Variants in APP observed in about 807,000 individuals in gnomAD.
The protein encoded by APP is amyloid-beta precursor protein.
Under a neutral mutation model 101.4 loss-of-function variants are expected in APP, and 31 were observed. That is an observed-to-expected ratio of 0.31 (90% CI 0.23 to 0.41). The LOEUF (loss-of-function observed/expected upper bound fraction) is 0.41. Ranked by LOEUF, APP falls within the 10% of genes least tolerant of loss-of-function variation. The pLI is 1.00. For synonymous variants in APP, 366 were observed against 364.4 expected (o/e 1.00, Z -0.05); for missense variants, 839 against 1,003.7 (o/e 0.84, Z 2.22).
chr21:26,021,288 T>C (rs2044326362), intron 6 of APP, among the ~76,000 whole-genome samples: 1 of 152,146 alleles, frequency 6.6e-6, no homozygotes, highest in South Asian at 2.1e-4. Flanking sequence ...CCTCAGGTGA[T>C]CCGCCTGCCT....
intron 6 of APP, among the ~76,000 whole-genome samples, chr21:26,006,876 T>C (rs1283519220): frequency 6.6e-6 from 1 of 152,150 alleles, no homozygotes; most frequent in Admixed American, 6.5e-5. Context: ...GGTTTTAGAA[T>C]AAAGCAAAGC....
chr21:26,060,178 G>A (rs775304392), intron 3 of APP, among the ~76,000 whole-genome samples: 22 of 151,996 alleles, frequency 1.4e-4, no homozygotes, highest in African/African-American at 4.1e-4. Flanking sequence ...CACCTATTTC[G>A]CACCTACTGA....
intron 6 of APP, among the ~76,000 whole-genome samples, chr21:26,005,367 T>C (rs1325694966): frequency 1.3e-5 from 2 of 152,224 alleles, no homozygotes; most frequent in East Asian, 3.9e-4. Context: ...TGAGCCAAAA[T>C]AGTGCCACTG....
chr21:25,894,811 A>G (rs924198429), intron 16 of APP, among the ~76,000 whole-genome samples: 5 of 152,212 alleles, frequency 3.3e-5, no homozygotes, highest in African/African-American at 9.6e-5. Flanking sequence ...ACTGACTCCA[A>G]TTTTGAAAGC....
intron 8 of APP, among the ~76,000 whole-genome samples, chr21:25,989,158 G>A (rs2042760015): frequency 6.6e-6 from 1 of 152,276 alleles, no homozygotes; most frequent in Middle Eastern, 3.4e-3. Context: ...GCATTTGAAG[G>A]GAAGTTACTT....
At chr21:25,987,509 T>C (rs2146621980) in intron 8 of APP, among the ~76,000 whole-genome samples, 1 of 152,312 alleles carries the variant, frequency 6.6e-6, no homozygotes, top group East Asian at 1.9e-4. Flanking sequence ...CATGGTAGGA[T>C]ATATAGGCTA....
In APP at chr21:26,112,042, T is replaced by C. The variant is rs1188458727; in HGVS notation, c.162A>G (p.Ser54=). 2 of 1,614,176 alleles carry C rather than the reference T, an allele frequency of 1.2e-6. No individual in the cohort carries two copies. The highest frequency in any genetic ancestry group is 1.7e-6 in the Non-Finnish European group (2 of 1,180,014). The change falls in exon 2 of 18, where the codon TCA becomes TCG. Residue 54 remains serine, a synonymous_variant. Transcript: ENST00000346798. Reference sequence around the variant, plus strand: ...TGCAGGTTTTGGTCCCTGATGGATCTGAATCCCACTTCCCATTCTGGACAT... The same window carrying C: ...TGCAGGTTTTGGTCCCTGATGGATCCGAATCCCACTTCCCATTCTGGACAT... ...HMNVQNGKWD[S]DPSGTKTCID...
chr21:26,014,488 C>G (rs1265090182), intron 6 of APP, among the ~76,000 whole-genome samples: 1 of 152,162 alleles, frequency 6.6e-6, no homozygotes, highest in African/African-American at 2.4e-5. Context: ...ATTACTGATA[C>G]GCCAACTTCT....
At chr21:26,136,812 G>C (rs1230494447) in intron 1 of APP, among the ~76,000 whole-genome samples, 1 of 152,138 alleles carries the variant, frequency 6.6e-6, no homozygotes, top group Non-Finnish European at 1.5e-5. Context: ...AAGCAGGCCA[G>C]TTTATGTGCC....
chr21:26,135,085 G>C (rs1431533281), intron 1 of APP, among the ~76,000 whole-genome samples: 1 of 152,108 alleles, frequency 6.6e-6, no homozygotes, highest in Non-Finnish European at 1.5e-5. Context: ...TAAGAGCCCT[G>C]TCCTCACACT....
chr21:25,905,130 T>G lies in APP; in HGVS notation c.1910-53A>C, dbSNP rs182142845. The G allele has an allele frequency of 1.8e-4, 275 of 1,493,300 alleles. 1 individual carries two copies. Among genetic ancestry groups the G allele is most frequent in the Non-Finnish European group, 2.4e-4 (257 of 1,071,480 alleles). 92.5% of individuals were successfully genotyped at this position (1,493,300 alleles called of 1,614,324 possible). Reference sequence around the variant, plus strand: ...AAGCAAACAAGACAAATCAAGATGGTAAGTCGTGGCTCCCAAACATAGTCG... The same window carrying G: ...AAGCAAACAAGACAAATCAAGATGGGAAGTCGTGGCTCCCAAACATAGTCG... On this transcript the variant is annotated intron_variant, in intron 14 of 17. Transcript: ENST00000346798.
intron 7 of APP, 73 bp from the exon 8 acceptor site, chr21:25,997,489 T>C: frequency 7.3e-7 from 1 of 1,366,924 alleles, no homozygotes. Context: ...AATGCACGAG[T>C]CCACTGACAA....
chr21:26,048,425 A>AG (rs370571850), intron 5 of APP, among the ~76,000 whole-genome samples: 4 of 152,156 alleles, frequency 2.6e-5, no homozygotes, highest in African/African-American at 9.7e-5. Context: ...AGAAAAAAAA[A>AG]GGCAAAAAAA....
At chr21:25,884,905 A>AGAGGAG (rs2037225913) in intron 17 of APP, among the ~76,000 whole-genome samples, 3 of 152,222 alleles carry the variant, frequency 2.0e-5, no homozygotes, top group South Asian at 4.1e-4. Context: ...CTCCTCTTCA[A>AGAGGAG]ACTCCAAAGC....
Position 25,946,368 on chromosome 21 carries a change from C to G in APP, c.1687+8222G>C, listed in dbSNP as rs45493901. ...CCAGAATATATAAAAATTCTTACAACTCAATAATAACAGCAGGCCGAGTGC... is the reference window on the plus strand; with the variant it reads ...CCAGAATATATAAAAATTCTTACAAGTCAATAATAACAGCAGGCCGAGTGC... On this transcript the variant is annotated intron_variant, in intron 13 of 17. Coordinates refer to ENST00000346798, the MANE Select transcript of APP (RefSeq NM_000484.4). Among the ~76,000 whole-genome samples the G allele has an allele frequency of 3.0e-3, 462 of 152,214 alleles. 3 individuals carry two copies. Among genetic ancestry groups the G allele is most frequent in the African/African-American group, 0.011 (442 of 41,510 alleles).
At chr21:26,052,488 G>A (rs933125) in intron 4 of APP, among the ~76,000 whole-genome samples, 152,356 of 152,356 alleles carry the variant, frequency 1, 76,178 homozygotes, top group Non-Finnish European at 1. Flanking sequence ...AATTTATTAG[G>A]AAACCTATCA....
At chr21:26,120,040 T>C (rs1482682801) in intron 1 of APP, among the ~76,000 whole-genome samples, 2 of 152,348 alleles carry the variant, frequency 1.3e-5, no homozygotes, top group Middle Eastern at 3.4e-3. Context: ...TCTAAATTTC[T>C]ACTGTTTTAT....
chr21:26,136,031 T>C (rs1258476053), intron 1 of APP, among the ~76,000 whole-genome samples: 1 of 150,206 alleles, frequency 6.7e-6, no homozygotes, highest in East Asian at 1.9e-4. Flanking sequence ...CTCAGGAGGC[T>C]GAGGCAGGAG....
At chr21:25,920,654 G>T (rs1271233032) in intron 13 of APP, among the ~76,000 whole-genome samples, 1 of 151,748 alleles carries the variant, frequency 6.6e-6, no homozygotes, top group Non-Finnish European at 1.5e-5. Flanking sequence ...ATGGTAAAGG[G>T]ATCAATTCAA....
Sources: allele counts gnomAD v4.1 joint callset (sites outside exome capture counted in the v4.1 genomes callset), GRCh38; gene constraint gnomAD v4.1.1; transcripts MANE v1.5; gene names NCBI Gene and HGNC (gene_info 2026-07-23, HGNC 2026-07-21).